MYRFL: variants seen among roughly 807,000 people sequenced by gnomAD.
The protein encoded by MYRFL is myelin regulatory factor-like protein.
In MYRFL, 88 loss-of-function variants were observed where a neutral mutation model predicts 109.4. The ratio of observed to expected loss-of-function variants is 0.80; its 90% CI spans 0.68 to 0.96. MYRFL has a LOEUF of 0.96. MYRFL is among the 40% of genes least tolerant of loss of function. The probability of loss-of-function intolerance (pLI) is 0.00; values close to 1 mark genes in which losing one functional copy is unlikely to be tolerated. For synonymous variants in MYRFL, 324 were observed against 320.9 expected (o/e 1.01, Z -0.10); for missense variants, 957 against 954.9 (o/e 1.00, Z -0.03).
rs1342231413 is a variant in MYRFL, at chr12:69,861,695, G to A, written c.137+6325G>A. Among the ~76,000 whole-genome samples the A allele has an allele frequency of 7.4e-4, 112 of 152,060 alleles. 1 individual carries two copies. The highest frequency in any genetic ancestry group is 2.7e-3 in the African/African-American group (111 of 41,484). Reference sequence around the variant, plus strand: ...TGTGAAAATTTTCTCCCATTTTGTAGGTTGCCTGTTCACTCTGATGGTAGT... The same window carrying A: ...TGTGAAAATTTTCTCCCATTTTGTAAGTTGCCTGTTCACTCTGATGGTAGT... On this transcript the variant is annotated intron_variant, in intron 2 of 24. Coordinates refer to ENST00000552032, the MANE Select transcript of MYRFL (RefSeq NM_182530.3).
rs1358163516 is a variant in MYRFL at position 69,839,138 on chromosome 12, C to A, written c.46+13575C>A. Reference sequence around the variant, plus strand: ...ATTTTAAAGTTATATATGACTGACCCCATCAGCAGGCACACCCACCTTCTT... The same window carrying A: ...ATTTTAAAGTTATATATGACTGACCACATCAGCAGGCACACCCACCTTCTT... On this transcript the variant is annotated intron_variant, in intron 1 of 24. Transcript: ENST00000552032. 3.3e-5 allele frequency among the ~76,000 whole-genome samples: 5 copies of A among 152,246 alleles called. No individual in the cohort carries two copies. The East Asian group carries it at 9.7e-4, about 29-fold the overall frequency.
At chr12:69,896,902 C>T (rs1369432651) in intron 9 of MYRFL, among the ~76,000 whole-genome samples, 1 of 152,208 alleles carries the variant, frequency 6.6e-6, no homozygotes, top group Admixed American at 6.5e-5. Context: ...CTTTCCTGCT[C>T]TTTTGGGGCA....
At chr12:69,923,444 A>G (rs537059591) in intron 13 of MYRFL, among the ~76,000 whole-genome samples, 45 of 152,198 alleles carry the variant, frequency 3.0e-4, no homozygotes, top group Non-Finnish European at 5.3e-4. Context: ...AATAAAATAT[A>G]TCAGAAATTA....
At chr12:69,880,314 C>A in intron 5 of MYRFL, 22 bp downstream of exon 5, 1 of 701,566 alleles carries the variant, frequency 1.4e-6, no homozygotes, top group African/African-American at 1.7e-5. Flanking sequence ...TGGGTGGGAA[C>A]AAGGGCGATG....
In MYRFL at chr12:69,891,169, A is replaced by G. The variant is rs1886776469; in HGVS notation, c.903+3A>G. On this transcript the variant is annotated splice_donor_region_variant and intron_variant, in intron 7 of 24. Transcript: ENST00000552032. ...ACTTGAAAGTTTTTGGCACTAAGGTATGTCTTTTATTTAGTTCAGTTTATA... is the reference window on the plus strand; with the variant it reads ...ACTTGAAAGTTTTTGGCACTAAGGTGTGTCTTTTATTTAGTTCAGTTTATA... The G allele has an allele frequency of 6.6e-7, 1 of 1,508,386 alleles. No homozygotes were observed. Among genetic ancestry groups the G allele is most frequent in the African/African-American group, 1.4e-5 (1 of 71,722 alleles). The allele number at this position is 1,508,386 out of a possible 1,614,324, so 93.4% of individuals were successfully genotyped here.
chr12:69,843,356 T>G (rs1237008267), intron 1 of MYRFL, among the ~76,000 whole-genome samples: 1 of 152,224 alleles, frequency 6.6e-6, no homozygotes, highest in Admixed American at 6.5e-5. Context: ...CTAGAGTTGT[T>G]GGAACAAATT....
chr12:69,956,243 G>A (rs1956092685), intron 22 of MYRFL, among the ~76,000 whole-genome samples: 2 of 151,392 alleles, frequency 1.3e-5, no homozygotes, highest in Non-Finnish European at 1.5e-5. Context: ...ATGGAGCTGG[G>A]CTTCAAATTC....
chr12:69,956,587 C>T (rs1373261312), intron 22 of MYRFL, among the ~76,000 whole-genome samples: 1 of 151,974 alleles, frequency 6.6e-6, no homozygotes, highest in Non-Finnish European at 1.5e-5. Context: ...ATCACTCTTT[C>T]CCTTCCCTCT....
chr12:69,939,242 CACAG>C (rs1166566589), intron 19 of MYRFL, among the ~76,000 whole-genome samples: 1 of 152,184 alleles, frequency 6.6e-6, no homozygotes, highest in Non-Finnish European at 1.5e-5. Context: ...GGGGGCAGGG[CACAG>C]ACAAACAAAA....
At chr12:69,943,978 A>C (rs1183294469) in intron 19 of MYRFL, among the ~76,000 whole-genome samples, 201 of 148,576 alleles carry the variant, frequency 1.4e-3, no homozygotes, top group Non-Finnish European at 1.7e-3. Flanking sequence ...TCAAAACCAC[A>C]ATGAGATACC....
intron 1 of MYRFL, among the ~76,000 whole-genome samples, chr12:69,848,577 A>G (rs1883693690): frequency 6.6e-6 from 1 of 152,112 alleles, no homozygotes; most frequent in African/African-American, 2.4e-5. Context: ...TATTTTTTAT[A>G]CATTACTTTT....
chr12:69,910,673 A>T (rs1004564429), intron 12 of MYRFL, 148 bp from the exon 13 acceptor site: 4 of 443,794 alleles, frequency 9.0e-6, no homozygotes, highest in Non-Finnish European at 1.2e-5. Flanking sequence ...AACAGAAAAC[A>T]CTCCCACTTT....
At chr12:69,847,338 A>G (rs1418456201) in intron 1 of MYRFL, among the ~76,000 whole-genome samples, 1 of 152,210 alleles carries the variant, frequency 6.6e-6, no homozygotes, top group Non-Finnish European at 1.5e-5. Flanking sequence ...AGGATTGTCA[A>G]TCCAGTCCTT....
At chr12:69,954,950 T>C (rs1956061077) in intron 21 of MYRFL, among the ~76,000 whole-genome samples, 1 of 152,132 alleles carries the variant, frequency 6.6e-6, no homozygotes, top group Non-Finnish European at 1.5e-5. Context: ...AGGGAGTGAT[T>C]TAGGGTAGAA....
At chr12:69,854,426 C>G (rs746539734) in intron 1 of MYRFL, among the ~76,000 whole-genome samples, 1 of 151,824 alleles carries the variant, frequency 6.6e-6, no homozygotes, top group African/African-American at 2.4e-5. Context: ...CTCTGTCACC[C>G]TGGCTGGAGT....
At chr12:69,879,576 C>A in intron 4 of MYRFL, 123 bp downstream of exon 4, 1 of 595,006 alleles carries the variant, frequency 1.7e-6, no homozygotes, top group Non-Finnish European at 3.0e-6. Context: ...AGTGTTGAGA[C>A]GCGTATAGGA....
Position 69,952,080 on chromosome 12 carries a change from C to G in MYRFL, c.2225-33C>G, listed in dbSNP as rs973537183. ...GGTTTCTTCTCTTCTCCTGAACAAG[C>G]CTTCAAGATTGACAGACTTGTTTCC... On this transcript the variant is annotated intron_variant, in intron 19 of 24. Coordinates refer to ENST00000552032, the MANE Select transcript of MYRFL (RefSeq NM_182530.3). 2.4e-5 allele frequency: 37 copies of G among 1,528,856 alleles called. No individual in the cohort carries two copies. The East Asian group carries it at 5.4e-4, about 22-fold the overall frequency. The allele number at this position is 1,528,856 out of a possible 1,614,324, so 94.7% of individuals were successfully genotyped here. A position where few individuals can be genotyped will look rare whatever the true frequency, so the allele number is the denominator to read the frequency against.
rs1955242423 is a variant in MYRFL at position 69,930,663 on chromosome 12, T to A, written c.1831-1850T>A. ...GTGAGACCCCATAGCTACAAAAAATTAAAAAATTAACTGGGTTTGGTGGCT... is the reference window on the plus strand; with the variant it reads ...GTGAGACCCCATAGCTACAAAAAATAAAAAAATTAACTGGGTTTGGTGGCT... On this transcript the variant is annotated intron_variant, in intron 15 of 24. Transcript: ENST00000552032. Among the ~76,000 whole-genome samples the A allele has an allele frequency of 2.6e-5, 4 of 151,704 alleles. No individual in the cohort carries two copies. In the South Asian group the frequency reaches 8.3e-4, roughly 32 times the overall value.
At chr12:69,883,450 A>G (rs1338558416) in intron 5 of MYRFL, among the ~76,000 whole-genome samples, 1 of 152,318 alleles carries the variant, frequency 6.6e-6, no homozygotes. Flanking sequence ...ATGGCCATCA[A>G]CGGCAAGATA....
Sources: gnomAD v4.1 joint callset for allele counts (sites outside exome capture counted in the v4.1 genomes callset) on GRCh38, gnomAD v4.1.1 for gene constraint, MANE v1.5 for transcripts, NCBI Gene and HGNC (gene_info 2026-07-23, HGNC 2026-07-21) for gene names.